Variants in KCNK13 observed in about 807,000 individuals in gnomAD.
KCNK13 encodes potassium channel subfamily K member 13.
A neutral mutation model predicts 23.4 loss-of-function variants in KCNK13; 12 were observed. That is an observed-to-expected ratio of 0.51 (90% confidence interval 0.33 to 0.83). The LOEUF (loss-of-function observed/expected upper bound fraction) is 0.83, where lower values mean the gene tolerates loss of function less well. Among genes scored for constraint, KCNK13 ranks in the 40% least tolerant of loss-of-function variants. The pLI is 0.02. For missense variants in KCNK13, 463 were observed against 556.3 expected, an observed-to-expected ratio of 0.83 and a Z score of 1.69; for synonymous variants, 231 against 229.5, an observed-to-expected ratio of 1.01 and a Z score of -0.06.
rs28530529 is a variant in KCNK13, at chr14:90,168,787, G to A, written c.335-15324G>A. On this transcript the variant is annotated intron_variant, in intron 1 of 1. Coordinates refer to ENST00000282146, the MANE Select transcript of KCNK13 (RefSeq NM_022054.4). ...TTATTCACTGACATGGTTTGTCTGT[G>A]TCACCACCCAAATCTCACCTTGAAT... Among the ~76,000 whole-genome samples, 1,429 of 152,278 alleles carry A rather than the reference G, an allele frequency of 9.4e-3. 26 individuals carry two copies. Among genetic ancestry groups the A allele is most frequent in the African/African-American group, 0.033 (1,355 of 41,558 alleles).
Position 90,101,864 on chromosome 14 carries a change from T to TC in KCNK13, c.334+39330dup, listed in dbSNP as rs1367424097. On this transcript the variant is annotated intron_variant, in intron 1 of 1. Coordinates refer to ENST00000282146, the MANE Select transcript of KCNK13 (RefSeq NM_022054.4). ...CCTCATGTAACCAAATACCACCTGT[T>TC]CCCCCGAAAACCTATGGAAATATTT... Among the ~76,000 whole-genome samples, 7 of 146,088 alleles carry TC rather than the reference T, an allele frequency of 4.8e-5. No homozygotes were observed. The East Asian group carries it at 1.4e-3, about 30-fold the overall frequency.
intron 1 of KCNK13, among the ~76,000 whole-genome samples, chr14:90,142,827 G>A (rs930819211): frequency 9.2e-5 from 14 of 152,200 alleles, no homozygotes; most frequent in Non-Finnish European, 1.9e-4. Context: ...CTGGTAACAA[G>A]GTTGGTTAGG....
At chr14:90,082,110 G>A (rs1889219929) in intron 1 of KCNK13, among the ~76,000 whole-genome samples, 2 of 152,170 alleles carry the variant, frequency 1.3e-5, no homozygotes, top group African/African-American at 2.4e-5. Context: ...TGCCCGAGCT[G>A]GAGTGCAGTG....
Position 90,101,746 on chromosome 14 carries a change from T to C in KCNK13, c.334+39207T>C, listed in dbSNP as rs1431218975. Among the ~76,000 whole-genome samples, 6 of 117,564 alleles carry C rather than the reference T, an allele frequency of 5.1e-5. No individual in the cohort carries two copies. The East Asian group carries it at 1.7e-3, about 34-fold the overall frequency. The allele number at this position is 117,564 out of a possible 152,430, so 77.1% of individuals were successfully genotyped here. ...TGGAGGTTGCAATGAGCTAAGATCGTACCACTGCACTCCAGCCTGGGCAAC... is the reference window on the plus strand; with the variant it reads ...TGGAGGTTGCAATGAGCTAAGATCGCACCACTGCACTCCAGCCTGGGCAAC... On this transcript the variant is annotated intron_variant, in intron 1 of 1. Coordinates refer to ENST00000282146, the MANE Select transcript of KCNK13 (RefSeq NM_022054.4).
intron 1 of KCNK13, among the ~76,000 whole-genome samples, chr14:90,115,680 C>G (rs535920445): frequency 6.6e-6 from 1 of 152,198 alleles, no homozygotes; most frequent in South Asian, 2.1e-4. Context: ...TGGGTGGGTT[C>G]CAATAACGTG....
chr14:90,184,939 CA>C lies in KCNK13; in HGVS notation c.1164del (p.Val391TrpfsTer7), dbSNP rs2140451574. The C allele has an allele frequency of 4.3e-6, 7 of 1,612,536 alleles. No individual in the cohort carries two copies. The highest frequency in any genetic ancestry group is 5.9e-6 in the Non-Finnish European group (7 of 1,179,116). Reference protein sequence around the residue: ...TSTLARDNEFSGGVGAFAIMN... With the variant: ...TSTLARDNEFXGGVGAFAIMN... ...ACACTGGCCCGGGACAATGAATTCT[CA>C]GGGGGGGTGGGAGCCTTTGCAATCA... On this transcript the variant is annotated frameshift_variant, in exon 2 of 2. Coordinates refer to ENST00000282146, the MANE Select transcript of KCNK13 (RefSeq NM_022054.4). LOFTEE classifies it high-confidence loss of function. The surrounding 1 kb of genome is among the most constrained non-coding windows in gnomAD (Gnocchi z 5.6).
chr14:90,122,890 G>C (rs1045373149), intron 1 of KCNK13, among the ~76,000 whole-genome samples: 3 of 152,148 alleles, frequency 2.0e-5, no homozygotes, highest in Admixed American at 6.5e-5. Context: ...GCTGTGGAAA[G>C]ATCTGGGTAG....
At chr14:90,169,681 C>T (rs1890342628) in intron 1 of KCNK13, among the ~76,000 whole-genome samples, 1 of 152,154 alleles carries the variant, frequency 6.6e-6, no homozygotes, top group African/African-American at 2.4e-5. Context: ...GCCCCCTGGA[C>T]CTCTCCATGG....
chr14:90,139,142 G>A (rs1193048331), intron 1 of KCNK13, among the ~76,000 whole-genome samples: 1 of 152,202 alleles, frequency 6.6e-6, no homozygotes, highest in Non-Finnish European at 1.5e-5. Flanking sequence ...CTCTCACAGA[G>A]CTTTAACTTT....
chr14:90,170,348 G>T (rs902322557), intron 1 of KCNK13, among the ~76,000 whole-genome samples: 8 of 151,996 alleles, frequency 5.3e-5, no homozygotes, highest in African/African-American at 1.9e-4. Context: ...CAAGTAACTG[G>T]GATTACAGGT....
In KCNK13 at chr14:90,184,241, C is replaced by T. The variant is rs753303890; in HGVS notation, c.465C>T (p.Tyr155=). Residue 155 remains tyrosine, a synonymous_variant, in exon 2 of 2, where the codon TAC becomes TAT. Transcript: ENST00000282146. This position sits in a 1 kb window ranked among gnomAD's most constrained non-coding sequence, Gnocchi z 5.6. ...FLERLITIIA[Y]IMKSCHQRQL... ...AGCGCCTGATCACCATCATCGCCTA[C>T]ATCATGAAGTCGTGCCACCAGCGGC... The T allele has an allele frequency of 1.9e-5, 31 of 1,614,262 alleles. No individual in the cohort carries two copies. The highest frequency in any genetic ancestry group is 2.2e-5 in the Non-Finnish European group (26 of 1,180,050).
chr14:90,144,113 G>T (rs983665600), intron 1 of KCNK13, among the ~76,000 whole-genome samples: 7 of 152,090 alleles, frequency 4.6e-5, no homozygotes, highest in African/African-American at 1.7e-4. Flanking sequence ...CTGGAATTTT[G>T]ATTAGAATTG....
chr14:90,157,377 A>G (rs1360287945), intron 1 of KCNK13, among the ~76,000 whole-genome samples: 1 of 152,172 alleles, frequency 6.6e-6, no homozygotes, highest in Non-Finnish European at 1.5e-5. Flanking sequence ...AACCACGAAA[A>G]AAAAGTGTCG....
chr14:90,119,642 C>T (rs1435241780), intron 1 of KCNK13, among the ~76,000 whole-genome samples: 1 of 152,124 alleles, frequency 6.6e-6, no homozygotes, highest in Non-Finnish European at 1.5e-5. Flanking sequence ...CTCTGTTGCC[C>T]AGGCTGGAGT....
At chr14:90,131,523 C>T (rs903994865) in intron 1 of KCNK13, among the ~76,000 whole-genome samples, 26 of 152,258 alleles carry the variant, frequency 1.7e-4, no homozygotes, top group African/African-American at 6.0e-4. Context: ...AGCCACCATG[C>T]CCGGCCATAT....
intron 1 of KCNK13, among the ~76,000 whole-genome samples, chr14:90,120,055 C>T (rs989710096): frequency 2.6e-5 from 4 of 152,128 alleles, no homozygotes; most frequent in African/African-American, 9.7e-5. Context: ...TTCTGCTCCT[C>T]TCCCTCCTCC....
rs76866143 is a variant in KCNK13, at chr14:90,147,363, C to T, written c.335-36748C>T. Among the ~76,000 whole-genome samples, 1,047 of 152,274 alleles carry T rather than the reference C, an allele frequency of 6.9e-3. 4 individuals carry two copies. Among genetic ancestry groups the T allele is most frequent in the Non-Finnish European group, 0.011 (715 of 68,018 alleles). ...AAACTCCTGGGCTCAAGCGATCCCC[C>T]CTCAGCCTCCTGAGTAGCTAGGACT... On this transcript the variant is annotated intron_variant, in intron 1 of 1. Transcript: ENST00000282146.
intron 1 of KCNK13, among the ~76,000 whole-genome samples, chr14:90,158,658 G>A (rs780919111): frequency 1.3e-5 from 2 of 152,218 alleles, no homozygotes; most frequent in East Asian, 1.9e-4. Context: ...TGAGTAGGTG[G>A]GGTAGAGGAG....
In KCNK13 at chr14:90,062,141, G is replaced by T. The variant is rs1272572590; in HGVS notation, c.-65G>T. 9.3e-7 allele frequency: 1 copy of T among 1,080,278 alleles called. No homozygotes were observed. The highest frequency in any genetic ancestry group is 1.2e-6 in the Non-Finnish European group (1 of 821,698). 66.9% of individuals were successfully genotyped at this position (1,080,278 alleles called of 1,614,324 possible). On this transcript the variant is annotated 5_prime_UTR_variant, in exon 1 of 2. Coordinates refer to ENST00000282146, the MANE Select transcript of KCNK13 (RefSeq NM_022054.4). This position sits in a 1 kb window ranked among gnomAD's most constrained non-coding sequence, Gnocchi z 4.5. ...GCGCCGGGGCCCTTATTTCCCGGGGGTGTGGGCGAGACTCCGCCGACGCCC... is the reference window on the plus strand; with the variant it reads ...GCGCCGGGGCCCTTATTTCCCGGGGTTGTGGGCGAGACTCCGCCGACGCCC...
Sources: allele counts gnomAD v4.1 joint callset (sites outside exome capture counted in the v4.1 genomes callset), GRCh38; gene constraint gnomAD v4.1.1; non-coding constraint Gnocchi (gnomAD v3.1); transcripts MANE v1.5; gene names NCBI Gene and HGNC (gene_info 2026-07-23, HGNC 2026-07-21).